SIAH2: variants seen among roughly 807,000 people sequenced by gnomAD.
SIAH2 encodes siah E3 ubiquitin protein ligase 2.
A neutral mutation model predicts 20.4 loss-of-function variants in SIAH2; 4 were observed. The observed-to-expected ratio is 0.20, with a 90% CI of 0.10 to 0.45. The LOEUF (loss-of-function observed/expected upper bound fraction) is 0.45, where lower values mean the gene tolerates loss of function less well. SIAH2 is among the 20% of genes least tolerant of loss of function. The probability of loss-of-function intolerance (pLI) is 0.99; values close to 1 mark genes in which losing one functional copy is unlikely to be tolerated. For synonymous variants in SIAH2, 171 were observed against 192.5 expected (o/e 0.89, Z 0.93); for missense variants, 259 against 440.3 (o/e 0.59, Z 3.69).
In SIAH2 at chr3:150,742,039, GGTCCTGACTTGTGA is replaced by G; in HGVS notation, c.*88_*101del. On this transcript the variant is annotated 3_prime_UTR_variant, in exon 2 of 2. Transcript: ENST00000312960. The surrounding 1 kb of genome is among the most constrained non-coding windows in gnomAD (Gnocchi z 4.8). ...TTCAAACAAAACACGGGTAATTGTG[GGTCCTGACTTGTGA>G]AGACATATGGAATAAAACATCTATA... 1 of 1,132,784 alleles carries G rather than the reference GGTCCTGACTTGTGA, an allele frequency of 8.8e-7. No individual in the cohort carries two copies. 70.2% of individuals were successfully genotyped at this position (1,132,784 alleles called of 1,614,324 possible). A position where few individuals can be genotyped will look rare whatever the true frequency, so the allele number is the denominator to read the frequency against.
chr3:150,760,231 G>A (rs11717897), intron 1 of SIAH2, among the ~76,000 whole-genome samples: 4,938 of 152,278 alleles, frequency 0.032, 114 homozygotes, highest in Middle Eastern at 0.058. Context: ...AACCAAAGGT[G>A]AGGGACACAC....
chr3:150,748,464 A>G (rs1169712093), intron 1 of SIAH2, among the ~76,000 whole-genome samples: 1 of 152,220 alleles, frequency 6.6e-6, no homozygotes, highest in East Asian at 1.9e-4. Context: ...CTATTTAATT[A>G]AATCTGATTC....
intron 1 of SIAH2, among the ~76,000 whole-genome samples, chr3:150,759,866 G>A (rs963226572): frequency 3.9e-5 from 6 of 152,294 alleles, no homozygotes; most frequent in Non-Finnish European, 1.5e-5. Flanking sequence ...GGAAATCAAG[G>A]CCCTGGGAGG....
intron 1 of SIAH2, among the ~76,000 whole-genome samples, chr3:150,753,063 T>G (rs756325102): frequency 6.6e-6 from 1 of 152,198 alleles, no homozygotes; most frequent in Non-Finnish European, 1.5e-5. Context: ...CATCCCTTCT[T>G]TCTTCACAGG....
chr3:150,750,016 A>G (rs1714322723), intron 1 of SIAH2, among the ~76,000 whole-genome samples: 1 of 152,178 alleles, frequency 6.6e-6, no homozygotes, highest in African/African-American at 2.4e-5. Context: ...GGAAGAAGAG[A>G]TATAGGAGCT....
Position 150,763,068 on chromosome 3 carries a change from A to G in SIAH2, c.-219T>C, listed in dbSNP as rs1027497741. 2 of 310,708 alleles carry G rather than the reference A, an allele frequency of 6.4e-6. No individual in the cohort carries two copies. The highest frequency in any genetic ancestry group is 9.7e-6 in the Non-Finnish European group (2 of 206,176). The allele number at this position is 310,708 out of a possible 1,614,324, so 19.2% of individuals were successfully genotyped here. Reference sequence around the variant, plus strand: ...CGTTCCGAGCACGCCTCCGCGTCGGACCCCGCGCGGTGCCCTCCTCCCGGC... The same window carrying G: ...CGTTCCGAGCACGCCTCCGCGTCGGGCCCCGCGCGGTGCCCTCCTCCCGGC... On this transcript the variant is annotated 5_prime_UTR_variant, in exon 1 of 2. Coordinates refer to ENST00000312960, the MANE Select transcript of SIAH2 (RefSeq NM_005067.7). This position sits in a 1 kb window ranked among gnomAD's most constrained non-coding sequence, Gnocchi z 4.1.
At chr3:150,751,230 G>A (rs1367534555) in intron 1 of SIAH2, among the ~76,000 whole-genome samples, 6 of 152,040 alleles carry the variant, frequency 3.9e-5, no homozygotes, top group African/African-American at 1.4e-4. Flanking sequence ...TCAGGAGTTC[G>A]AGACCAGCCT....
intron 1 of SIAH2, among the ~76,000 whole-genome samples, chr3:150,747,075 GTCAAAGAA>G (rs1224845197): frequency 6.6e-6 from 1 of 152,258 alleles, no homozygotes; most frequent in Non-Finnish European, 1.5e-5. Context: ...CAGCTCAGGA[GTCAAAGAA>G]TCAATATTTT....
intron 1 of SIAH2, among the ~76,000 whole-genome samples, chr3:150,755,948 C>G (rs1010740882): frequency 6.6e-6 from 1 of 152,206 alleles, no homozygotes; most frequent in Non-Finnish European, 1.5e-5. Context: ...CCACACCTGA[C>G]CAGGAATATT....
chr3:150,756,758 A>G (rs1714493744), intron 1 of SIAH2, among the ~76,000 whole-genome samples: 1 of 152,210 alleles, frequency 6.6e-6, no homozygotes, highest in Non-Finnish European at 1.5e-5. Flanking sequence ...GTAAACTACA[A>G]CGAAAGGTGT....
chr3:150,750,280 G>C (rs986453364), intron 1 of SIAH2, among the ~76,000 whole-genome samples: 1 of 152,098 alleles, frequency 6.6e-6, no homozygotes, highest in African/African-American at 2.4e-5. Context: ...TAATTTACAG[G>C]TTTGTTAATT....
rs1331334120 is a variant in SIAH2, at chr3:150,745,356, T to C, written c.418-2658A>G. Among the ~76,000 whole-genome samples, 3 of 152,090 alleles carry C rather than the reference T, an allele frequency of 2.0e-5. No homozygotes were observed. In the East Asian group the frequency reaches 5.8e-4, roughly 29 times the overall value. On this transcript the variant is annotated intron_variant, in intron 1 of 1. Transcript: ENST00000312960. ...GAGCACCATGGGTGTTTTGTCACTT[T>C]CATCAGGGGCTCTCATCCAGGGATC...
At chr3:150,746,912 C>G (rs1047934281) in intron 1 of SIAH2, among the ~76,000 whole-genome samples, 2 of 152,194 alleles carry the variant, frequency 1.3e-5, no homozygotes, top group South Asian at 2.1e-4. Context: ...GGAGTTAGAC[C>G]AGGGAGTCCA....
At chr3:150,748,368 G>T (rs528726977) in intron 1 of SIAH2, among the ~76,000 whole-genome samples, 13 of 152,328 alleles carry the variant, frequency 8.5e-5, no homozygotes, top group Non-Finnish European at 1.6e-4. Context: ...CTTATGAAAT[G>T]AGTATGCAAG....
In SIAH2 at chr3:150,741,348, CT is replaced by C. The variant is rs1188829432; in HGVS notation, c.*792del. ...GTGAGCAAAACTAATTACATGAGAA[CT>C]ATCAATGGCCATATGACTTGCTTTC... On this transcript the variant is annotated 3_prime_UTR_variant, in exon 2 of 2. Transcript: ENST00000312960. 6.6e-6 allele frequency: 1 copy of C among 152,600 alleles called. No homozygotes were observed. Among genetic ancestry groups the C allele is most frequent in the African/African-American group, 2.4e-5 (1 of 41,426 alleles). The allele number at this position is 152,600 out of a possible 1,614,324, so 9.5% of individuals were successfully genotyped here.
rs748818961 is a variant in SIAH2 at position 150,742,309 on chromosome 3, C to T, written c.807G>A (p.Gly269=). 1.2e-6 allele frequency: 2 copies of T among 1,614,180 alleles called. No individual in the cohort carries two copies. Among genetic ancestry groups the T allele is most frequent in the East Asian group, 4.5e-5 (2 of 44,886 alleles). ...ENFAYRLELN[G]NRRRLTWEAT... is the part of the protein sequence containing the mutation. ...CCTCCCAGGTCAATCTCCGCCGGTT[C>T]CCATTCAACTCCAGTCTGTAGGCAA... The change falls in exon 2 of 2, where the codon GGG becomes GGA. Residue 269 remains glycine (G), a synonymous_variant. Transcript: ENST00000312960. The surrounding 1 kb of genome is among the most constrained non-coding windows in gnomAD (Gnocchi z 4.8).
At chr3:150,754,247 A>C (rs1714433707) in intron 1 of SIAH2, among the ~76,000 whole-genome samples, 1 of 152,184 alleles carries the variant, frequency 6.6e-6, no homozygotes, top group African/African-American at 2.4e-5. Context: ...GCTGTACAGG[A>C]AGCATAGTGG....
At chr3:150,745,364 G>T (rs530751946) in intron 1 of SIAH2, among the ~76,000 whole-genome samples, 13 of 152,082 alleles carry the variant, frequency 8.5e-5, no homozygotes, top group African/African-American at 3.1e-4. Flanking sequence ...TTTCATCAGG[G>T]GCTCTCATCC....
At position 150,762,268 on chromosome 3, in the gene SIAH2, A is replaced by C. The variant is rs558015513; in HGVS notation, c.417+165T>G. 7.3e-7 allele frequency: 1 copy of C among 1,370,058 alleles called. No homozygotes were observed. Among genetic ancestry groups the C allele is most frequent in the Non-Finnish European group, 9.6e-7 (1 of 1,038,814 alleles). 84.9% of individuals were successfully genotyped at this position (1,370,058 alleles called of 1,614,324 possible). A position where few individuals can be genotyped will look rare whatever the true frequency, so the allele number is the denominator to read the frequency against. Reference sequence around the variant, plus strand: ...ACTCGGTAAATGTCAACCCAGACCTACACCCAAAGTGGGCTTGAGGGAGGG... The same window carrying C: ...ACTCGGTAAATGTCAACCCAGACCTCCACCCAAAGTGGGCTTGAGGGAGGG... On this transcript the variant is annotated intron_variant, in intron 1 of 1. Coordinates refer to ENST00000312960, the MANE Select transcript of SIAH2 (RefSeq NM_005067.7). The surrounding 1 kb of genome is among the most constrained non-coding windows in gnomAD (Gnocchi z 6.6).
Sources: allele counts gnomAD v4.1 joint callset (sites outside exome capture counted in the v4.1 genomes callset), GRCh38; gene constraint gnomAD v4.1.1; non-coding constraint Gnocchi (gnomAD v3.1); transcripts MANE v1.5; gene names NCBI Gene and HGNC (gene_info 2026-07-23, HGNC 2026-07-21).